MDFIC2: variants seen among roughly 807,000 people sequenced by gnomAD.
The protein encoded by MDFIC2 is MyoD family inhibitor domain containing 2.
intron 2 of MDFIC2, among the ~76,000 whole-genome samples, chr3:70,254,985 C>G (rs1364189505): frequency 4.6e-5 from 7 of 152,118 alleles, no homozygotes; most frequent in African/African-American, 1.7e-4. Context: ...CAGTAATAGA[C>G]TGATGGACAT....
intron 2 of MDFIC2, among the ~76,000 whole-genome samples, chr3:70,308,694 C>T (rs1227558010): frequency 6.6e-6 from 1 of 152,152 alleles, no homozygotes; most frequent in East Asian, 1.9e-4. Flanking sequence ...TTCTCTGCCA[C>T]ACTTACACCT....
chr3:70,229,714 A>G (rs1701540708), intron 2 of MDFIC2, among the ~76,000 whole-genome samples: 1 of 152,166 alleles, frequency 6.6e-6, no homozygotes, highest in Non-Finnish European at 1.5e-5. Context: ...CAAAATAGAA[A>G]AAGCCTGGAT....
At position 70,311,993 on chromosome 3, in the gene MDFIC2, G is replaced by T. The variant is rs1348559541; in HGVS notation, c.1-20C>A. ...TGACATCTAAGTGGAAACAGAATTT[G>T]TGATATAAAAAATTCATTAAGAACC... On this transcript the variant is annotated intron_variant, in intron 1 of 3. Transcript: ENST00000567252. 2 of 397,398 alleles carry T rather than the reference G, an allele frequency of 5.0e-6. No individual in the cohort carries two copies. The highest frequency in any genetic ancestry group is 7.2e-5 in the East Asian group (2 of 27,920). 24.6% of individuals were successfully genotyped at this position (397,398 alleles called of 1,614,324 possible).
intron 2 of MDFIC2, among the ~76,000 whole-genome samples, chr3:70,281,350 A>C (rs1702080531): frequency 6.6e-6 from 1 of 152,120 alleles, no homozygotes; most frequent in Non-Finnish European, 1.5e-5. Context: ...TCTCAACTTC[A>C]TTATTTGACT....
chr3:70,275,153 T>G (rs1702011012), intron 2 of MDFIC2, among the ~76,000 whole-genome samples: 1 of 152,222 alleles, frequency 6.6e-6, no homozygotes, highest in Non-Finnish European at 1.5e-5. Context: ...ATTAGAATTT[T>G]AACTTATAAA....
intron 2 of MDFIC2, among the ~76,000 whole-genome samples, chr3:70,215,289 T>G (rs1469460120): frequency 6.6e-6 from 1 of 152,038 alleles, no homozygotes; most frequent in East Asian, 1.9e-4. Flanking sequence ...GTACTTGAAC[T>G]TACGTCTTCT....
intron 2 of MDFIC2, among the ~76,000 whole-genome samples, chr3:70,268,170 CTTA>C (rs144464484): frequency 0.1 from 15,201 of 152,048 alleles, 889 homozygotes; most frequent in South Asian, 0.21. Flanking sequence ...GCACAGCCAC[CTTA>C]TTATCAACAT....
intron 2 of MDFIC2, among the ~76,000 whole-genome samples, chr3:70,299,673 C>G (rs1050282914): frequency 3.3e-5 from 5 of 152,046 alleles, no homozygotes; most frequent in African/African-American, 1.2e-4. Flanking sequence ...TTTGTGGATG[C>G]AACAAGCTTC....
At chr3:70,243,586 CTT>C (rs1701680388) in intron 2 of MDFIC2, among the ~76,000 whole-genome samples, 1 of 152,136 alleles carries the variant, frequency 6.6e-6, no homozygotes, top group Non-Finnish European at 1.5e-5. Flanking sequence ...CTGGAGAATT[CTT>C]TGTCGTGGGG....
At chr3:70,312,115 T>A (rs1053165408) in intron 1 of MDFIC2, 142 bp from the exon 2 acceptor site, 14 of 388,736 alleles carry the variant, frequency 3.6e-5, no homozygotes, top group Middle Eastern at 1.3e-3. Context: ...CAATGTTAAG[T>A]CTTAACATTT....
At chr3:70,271,624 G>C in intron 2 of MDFIC2, among the ~76,000 whole-genome samples, 1 of 152,164 alleles carries the variant, frequency 6.6e-6, no homozygotes, top group East Asian at 1.9e-4. Context: ...CAAAACAATA[G>C]ACCCAGCTAA....
At chr3:70,299,980 A>G (rs961748024) in intron 2 of MDFIC2, among the ~76,000 whole-genome samples, 1 of 152,112 alleles carries the variant, frequency 6.6e-6, no homozygotes, top group South Asian at 2.1e-4. Context: ...AACATACCCC[A>G]GACTTTTCTG....
At chr3:70,220,775 G>A (rs1416466183) in intron 2 of MDFIC2, among the ~76,000 whole-genome samples, 1 of 152,172 alleles carries the variant, frequency 6.6e-6, no homozygotes, top group Non-Finnish European at 1.5e-5. Flanking sequence ...CCCTTATGAA[G>A]ATTTCAGTCT....
intron 2 of MDFIC2, among the ~76,000 whole-genome samples, chr3:70,240,505 C>T (rs1298068336): frequency 6.6e-6 from 1 of 151,978 alleles, no homozygotes; most frequent in East Asian, 1.9e-4. Flanking sequence ...TATGTGTTTC[C>T]TAGCCCTTCT....
At chr3:70,292,301 T>C (rs1316460820) in intron 2 of MDFIC2, among the ~76,000 whole-genome samples, 2 of 152,184 alleles carry the variant, frequency 1.3e-5, no homozygotes, top group African/African-American at 4.8e-5. Flanking sequence ...GTTTATAATA[T>C]ATAGTATCTA....
At chr3:70,229,022 T>C (rs1189396890) in intron 2 of MDFIC2, among the ~76,000 whole-genome samples, 1 of 152,174 alleles carries the variant, frequency 6.6e-6, no homozygotes, top group East Asian at 1.9e-4. Flanking sequence ...GGGATACCAA[T>C]GCAGGGCACC....
At chr3:70,267,412 T>G (rs1265485341) in intron 2 of MDFIC2, among the ~76,000 whole-genome samples, 2 of 130,344 alleles carry the variant, frequency 1.5e-5, no homozygotes, top group African/African-American at 5.9e-5. Flanking sequence ...TTTTTTTTTT[T>G]TTTTTTTTGA....
intron 2 of MDFIC2, among the ~76,000 whole-genome samples, chr3:70,212,635 A>G (rs189832301): frequency 1.2e-3 from 188 of 152,230 alleles, no homozygotes; most frequent in African/African-American, 4.2e-3. Context: ...ATACAGTGAC[A>G]ACTCTCTTCA....
intron 2 of MDFIC2, among the ~76,000 whole-genome samples, chr3:70,290,430 G>C (rs568833211): frequency 6.6e-6 from 1 of 152,208 alleles, no homozygotes. Flanking sequence ...CAGATCTCCA[G>C]CTGCGTACTG....
Sources: allele counts gnomAD v4.1 joint callset (sites outside exome capture counted in the v4.1 genomes callset), GRCh38; gene constraint gnomAD v4.1.1; transcripts MANE v1.5; gene names NCBI Gene and HGNC (gene_info 2026-07-23, HGNC 2026-07-21).